Variants in ATP6AP1 observed in about 807,000 individuals in gnomAD.
ATP6AP1 encodes ATPase H+ transporting accessory protein 1.
ATP6AP1 carries 1 observed loss-of-function variant against 32.0 expected under a neutral mutation model. That is an observed-to-expected ratio of 0.03 (90% CI 0.01 to 0.15). The LOEUF (loss-of-function observed/expected upper bound fraction) is 0.15. ATP6AP1 is among the 10% of genes least tolerant of loss of function. The probability of loss-of-function intolerance (pLI) is 1.00; values close to 1 mark genes in which losing one functional copy is unlikely to be tolerated. For missense variants in ATP6AP1, 297 were observed against 398.8 expected, an observed-to-expected ratio of 0.74 and a Z score of 2.17; for synonymous variants, 187 against 174.9, an observed-to-expected ratio of 1.07 and a Z score of -0.55.
rs930539656 is a variant in ATP6AP1, at chrX:154,428,818, G to T, written c.126G>T (p.Glu42Asp). The T allele has an allele frequency of 9.0e-7, 1 of 1,113,618 alleles. No individual in the cohort carries two copies. The highest frequency in any genetic ancestry group is 2.1e-5 in the South Asian group (1 of 46,548). 91.8% of individuals were successfully genotyped at this position (1,113,618 alleles called of 1,213,427 possible). A position where few individuals can be genotyped will look rare whatever the true frequency, so the allele number is the denominator to read the frequency against. ...CGGCGGCGGCGGCGGCAGCGGCGGA[G>T]CAGCAGGTCCCGCTGGTGCTGTGGT... ...LAAAAAAAAA[E>D]QQVPLVLWSS... is the part of the protein sequence containing the mutation. The change falls in exon 1 of 10, where the codon GAG (glutamate) becomes GAT (aspartate). Residue 42 changes from glutamate (E) to aspartate (D), a missense_variant. Around this residue, in one of 2 missense-constraint regions of ATP6AP1, gnomAD observed 142 missense variants for 145.0 expected, o/e 0.98. Transcript: ENST00000369762.
At chrX:154,432,812 G>A (rs1490732896) in intron 4 of ATP6AP1, 119 bp from the exon 5 acceptor site, 2 of 872,163 alleles carry the variant, frequency 2.3e-6, no homozygotes, top group Non-Finnish European at 3.3e-6. Flanking sequence ...ACTGAGGTAA[G>A]AGTGTGCAGG....
Position 154,432,306 on chromosome X carries a change from C to A in ATP6AP1, c.404C>A (p.Ala135Asp). The A allele has an allele frequency of 8.3e-7, 1 of 1,210,709 alleles. No homozygotes were observed. Among genetic ancestry groups the A allele is most frequent in the Non-Finnish European group, 1.1e-6 (1 of 894,614 alleles). Residue 135 changes from alanine (A) to aspartate (D), a missense_variant, in exon 4 of 10, where the codon GCC (alanine) becomes GAC (aspartate). Transcript: ENST00000369762. Reference sequence around the variant, plus strand: ...GCCCCCTCCTCACTGGTGCTTCCTGCCGTCGACTGGTATGCAGTCAGCACT... The same window carrying A: ...GCCCCCTCCTCACTGGTGCTTCCTGACGTCGACTGGTATGCAGTCAGCACT... ...DLAPSSLVLP[A>D]VDWYAVSTLT... is the part of the protein sequence containing the mutation.
chrX:154,432,095 G>C (rs1185667051), intron 3 of ATP6AP1, among the ~76,000 whole-genome samples, 171 bp from the exon 4 acceptor site: 2 of 112,545 alleles, frequency 1.8e-5, no homozygotes, highest in East Asian at 2.8e-4. Flanking sequence ...CGCTGGCTTT[G>C]GGGTAGAAAG....
rs1195540978 is a variant in ATP6AP1, at chrX:154,428,946, G to A, written c.161+93G>A. On this transcript the variant is annotated intron_variant, in intron 1 of 9. Transcript: ENST00000369762. ...AGGCGAGGGGTGGTGAGGCCCGGAG[G>A]TGGACTGTTCCTTGCTCGGGGGCTC... is the stretch of plus-strand genomic sequence containing the variant. 4.4e-6 allele frequency: 5 copies of A among 1,147,474 alleles called. No individual in the cohort carries two copies. The African/African-American group carries it at 7.2e-5, about 17-fold the overall frequency. The allele number at this position is 1,147,474 out of a possible 1,213,427, so 94.6% of individuals were successfully genotyped here.
chrX:154,432,231 G>C (rs1197057820), intron 3 of ATP6AP1, 35 bp from the exon 4 acceptor site: 3 of 1,153,076 alleles, frequency 2.6e-6, no homozygotes, highest in African/African-American at 3.6e-5. Flanking sequence ...ACTGGCCCCT[G>C]GCTAACTCAC....
intron 2 of ATP6AP1, chrX:154,429,447 A>G: frequency 3.4e-6 from 1 of 298,387 alleles, no homozygotes; most frequent in Non-Finnish European, 6.1e-6. Context: ...GACTTAGTCC[A>G]ATATGGTGGG....
rs1557196937 is a variant in ATP6AP1, at chrX:154,432,306, C to T, written c.404C>T (p.Ala135Val). The change falls in exon 4 of 10, where the codon GCC becomes GTC. Residue 135 changes from alanine (A) to valine (V), a missense_variant. Physicochemically the swap from Ala to Val is moderately conservative, Grantham distance 64. Transcript: ENST00000369762. ...DLAPSSLVLP[A>V]VDWYAVSTLT... ...GCCCCCTCCTCACTGGTGCTTCCTGCCGTCGACTGGTATGCAGTCAGCACT... is the reference window on the plus strand; with the variant it reads ...GCCCCCTCCTCACTGGTGCTTCCTGTCGTCGACTGGTATGCAGTCAGCACT... 1 of 1,210,708 alleles carries T rather than the reference C, an allele frequency of 8.3e-7. No individual in the cohort carries two copies. Among genetic ancestry groups the T allele is most frequent in the South Asian group, 1.8e-5 (1 of 56,828 alleles).
chrX:154,432,002 G>C lies in ATP6AP1; in HGVS notation c.363+98G>C, dbSNP rs1242378813. Reference sequence around the variant, plus strand: ...CTGACCTCATATCAGGGTTACTTGGGTCTGAGTCTCTTCTGGGTCAACCAT... The same window carrying C: ...CTGACCTCATATCAGGGTTACTTGGCTCTGAGTCTCTTCTGGGTCAACCAT... On this transcript the variant is annotated intron_variant, in intron 3 of 9. Coordinates refer to ENST00000369762, the MANE Select transcript of ATP6AP1 (RefSeq NM_001183.6). 4.2e-6 allele frequency: 4 copies of C among 951,278 alleles called. No homozygotes were observed. The East Asian group carries it at 9.2e-5, about 22-fold the overall frequency. 78.4% of individuals were successfully genotyped at this position (951,278 alleles called of 1,213,427 possible). A position where few individuals can be genotyped will look rare whatever the true frequency, so the allele number is the denominator to read the frequency against.
intron 5 of ATP6AP1, 84 bp downstream of exon 5, chrX:154,433,055 C>A: frequency 9.2e-7 from 1 of 1,088,919 alleles, no homozygotes; most frequent in South Asian, 1.9e-5. Context: ...GTTCCTCGGC[C>A]TCCTCACTCC....
At position 154,431,844 on chromosome X, in the gene ATP6AP1, T is replaced by C. The variant is rs782239813; in HGVS notation, c.303T>C (p.Asp101=). 2 of 1,211,532 alleles carry C rather than the reference T, an allele frequency of 1.7e-6. No homozygotes were observed. Among genetic ancestry groups the C allele is most frequent in the South Asian group, 1.8e-5 (1 of 56,989 alleles). ...LFLQDKLSIE[D]FTAYGGVFGN... is the part of the protein sequence containing the mutation. ...TTCCCTAATAGCTGAGCATTGAGGA[T>C]TTCACAGCATATGGCGGTGTGTTTG... Residue 101 remains aspartate (D), a synonymous_variant, in exon 3 of 10, where the codon GAT becomes GAC. Coordinates refer to ENST00000369762, the MANE Select transcript of ATP6AP1 (RefSeq NM_001183.6).
In ATP6AP1 at chrX:154,436,154, G is replaced by T. The variant is rs1052714355; in HGVS notation, c.*263G>T. ...CGTCGCTGTGAGGCGTAAGGGACAT[G>T]AATTCTAGGGTCTCCTTTCTCCTTA... On this transcript the variant is annotated 3_prime_UTR_variant, in exon 10 of 10. Transcript: ENST00000369762. The T allele has an allele frequency of 2.3e-5, 9 of 387,327 alleles. No individual in the cohort carries two copies. Among genetic ancestry groups the T allele is most frequent in the South Asian group, 4.7e-5 (1 of 21,381 alleles). 31.9% of individuals were successfully genotyped at this position (387,327 alleles called of 1,213,427 possible).
chrX:154,434,312 C>T lies in ATP6AP1; in HGVS notation c.789C>T (p.Thr263=), dbSNP rs374472574. The part of the protein sequence containing the change: ...VIHPPVSYND[T]APRILFWAQN... ...ATCCTCCTGTGAGTTACAATGACAC[C>T]GCTCCCCGGATCCTGTTCTGGGCCC... Residue 263 remains threonine, a synonymous_variant, in exon 7 of 10, where the codon ACC becomes ACT. Transcript: ENST00000369762. 5 of 1,209,895 alleles carry T rather than the reference C, an allele frequency of 4.1e-6. No homozygotes were observed. The highest frequency in any genetic ancestry group is 3.0e-5 in the East Asian group (1 of 33,773).
At chrX:154,431,952 C>T (rs782547343) in intron 3 of ATP6AP1, 48 bp downstream of exon 3, 70 of 1,158,475 alleles carry the variant, frequency 6.0e-5, no homozygotes, top group South Asian at 4.5e-4. Flanking sequence ...TTCTGTGCTC[C>T]TTCTCCCAGC....
intron 2 of ATP6AP1, chrX:154,431,399 G>A (rs781971015): frequency 5.0e-5 from 7 of 139,209 alleles, no homozygotes; most frequent in East Asian, 4.1e-4. Flanking sequence ...AAAAGCAGGT[G>A]GGGGGAGGGT....
At position 154,435,989 on chromosome X, in the gene ATP6AP1, G is replaced by A; in HGVS notation, c.*98G>A. The stretch of plus-strand genomic sequence containing the variant: ...ACTGAAGAGCTTCCCTCTTCCTACT[G>A]CAGCATGAACTGCAAGCTCCCCTCA... On this transcript the variant is annotated 3_prime_UTR_variant, in exon 10 of 10. Transcript: ENST00000369762. The A allele has an allele frequency of 3.5e-6, 3 of 866,614 alleles. No homozygotes were observed. In the South Asian group the frequency reaches 6.6e-5, roughly 19 times the overall value. The allele number at this position is 866,614 out of a possible 1,213,427, so 71.4% of individuals were successfully genotyped here.
intron 4 of ATP6AP1, 105 bp downstream of exon 4, chrX:154,432,564 C>A: frequency 9.8e-7 from 1 of 1,019,428 alleles, no homozygotes; most frequent in Non-Finnish European, 1.3e-6. Flanking sequence ...CCAGTACTCC[C>A]CACCCCCTCA....
At chrX:154,431,737 G>A in intron 2 of ATP6AP1, 93 bp from the exon 3 acceptor site, 2 of 867,882 alleles carry the variant, frequency 2.3e-6, no homozygotes, top group Admixed American at 2.3e-5. Context: ...GACTTTGCTG[G>A]CCCTGAGAAT....
chrX:154,429,154 C>T lies in ATP6AP1; in HGVS notation c.268C>T (p.Leu90=). 1 of 1,211,512 alleles carries T rather than the reference C, an allele frequency of 8.3e-7. No individual in the cohort carries two copies. The highest frequency in any genetic ancestry group is 1.1e-6 in the Non-Finnish European group (1 of 895,360). The part of the protein sequence containing the change: ...PALELGPRNV[L]LFLQDKLSIE... Reference sequence around the variant, plus strand: ...CCTGGAGCTGGGTCCCAGGAATGTGCTGCTGTTCCTGCAGGACAAGGTGCG... The same window carrying T: ...CCTGGAGCTGGGTCCCAGGAATGTGTTGCTGTTCCTGCAGGACAAGGTGCG... Residue 90 remains leucine, a synonymous_variant, in exon 2 of 10, where the codon CTG becomes TTG. Coordinates refer to ENST00000369762, the MANE Select transcript of ATP6AP1 (RefSeq NM_001183.6).
Position 154,432,248 on chromosome X carries a change from C to T in ATP6AP1, c.364-18C>T, listed in dbSNP as rs782785171. 1.7e-6 allele frequency: 2 copies of T among 1,180,419 alleles called. No individual in the cohort carries two copies. The highest frequency in any genetic ancestry group is 2.3e-6 in the Non-Finnish European group (2 of 874,574). ...TGGCCCCTGGCTAACTCACCTTTTG[C>T]CTCTCCCCTGTCCCCAGAATGCCCT... On this transcript the variant is annotated intron_variant, in intron 3 of 9. Transcript: ENST00000369762.
Sources: allele counts gnomAD v4.1 joint callset (sites outside exome capture counted in the v4.1 genomes callset), GRCh38; gene constraint gnomAD v4.1.1; regional missense constraint gnomAD v4.1.1; transcripts MANE v1.5; gene names NCBI Gene and HGNC (gene_info 2026-07-23, HGNC 2026-07-21).